DIDO1: variants seen among roughly 807,000 people sequenced by gnomAD.
The protein encoded by DIDO1 is death-inducer obliterator 1.
In DIDO1, 16 loss-of-function variants were observed where a neutral mutation model predicts 99.4. That is an observed-to-expected ratio of 0.16 (90% confidence interval 0.11 to 0.24). The LOEUF (loss-of-function observed/expected upper bound fraction) is 0.24. DIDO1 is among the 10% of genes least tolerant of loss of function. The probability of loss-of-function intolerance (pLI) is 1.00; values close to 1 mark genes in which losing one functional copy is unlikely to be tolerated. For missense variants in DIDO1, 2,996 were observed against 3,014.0 expected (o/e 0.99, Z 0.14); for synonymous variants, 1,366 against 1,239.1 (o/e 1.10, Z -2.15).
At chr20:62,886,173 G>A (rs981190809) in intron 15 of DIDO1, among the ~76,000 whole-genome samples, 5 of 152,174 alleles carry the variant, frequency 3.3e-5, no homozygotes, top group Non-Finnish European at 7.3e-5. Context: ...ACCAGGGGCC[G>A]GGGCTCAGGA....
chr20:62,937,814 G>A lies in DIDO1; in HGVS notation c.-218C>T, dbSNP rs2065408912. ...CTGGGACCTTCGCCTCCGACTCAGT[G>A]TAGACGTCGCCATCCCGGTTCCAGA... On this transcript the variant is annotated 5_prime_UTR_variant, in exon 1 of 16. Coordinates refer to the DIDO1 transcript ENST00000266070. 7.5e-6 allele frequency: 3 copies of A among 398,490 alleles called. No homozygotes were observed. The East Asian group carries it at 1.1e-4, about 14-fold the overall frequency. 24.7% of individuals were successfully genotyped at this position (398,490 alleles called of 1,614,324 possible). A position where few individuals can be genotyped will look rare whatever the true frequency, so the allele number is the denominator to read the frequency against.
chr20:62,905,297 C>T (rs2064776156), intron 6 of DIDO1: 13 of 1,396,578 alleles, frequency 9.3e-6, no homozygotes, highest in East Asian at 5.4e-5. Flanking sequence ...CTTCGAAGTT[C>T]GAATGTGTTC....
At chr20:62,926,518 G>C (rs983025874), upstream of DIDO1, 1 of 151,760 alleles carries the variant, frequency 6.6e-6, no homozygotes, top group Non-Finnish European at 1.5e-5. Context: ...CGCGGGGCTA[G>C]AGCGGCGCCC....
chr20:62,907,137 G>A lies in DIDO1; in HGVS notation c.1374+10C>T. The stretch of plus-strand genomic sequence containing the variant: ...TCCACTGCCTGGGCGGCTGGTCCTG[G>A]TCCACTCACCTGAGCACCGCATTTC... On this transcript the variant is annotated intron_variant, in intron 5 of 15. Coordinates refer to ENST00000395343, the MANE Select transcript of DIDO1 (RefSeq NM_001193369.2). 25 of 1,614,046 alleles carry A rather than the reference G, an allele frequency of 1.5e-5. No homozygotes were observed. The highest frequency in any genetic ancestry group is 2.1e-5 in the Non-Finnish European group (25 of 1,179,914).
At chr20:62,936,228 G>A (rs556739995) in intron 1 of DIDO1, among the ~76,000 whole-genome samples, 29 of 152,084 alleles carry the variant, frequency 1.9e-4, no homozygotes, top group African/African-American at 6.7e-4. Flanking sequence ...GCCTGGGCAA[G>A]AAGGCAAGAC....
intron 1 of DIDO1, among the ~76,000 whole-genome samples, chr20:62,921,906 C>A (rs116654872): frequency 0.019 from 2,816 of 149,086 alleles, 80 homozygotes; most frequent in African/African-American, 0.065. Flanking sequence ...TATATATCCA[C>A]AATATATATA....
chr20:62,882,483 C>T, intron 15 of DIDO1, 69 bp from the exon 16 acceptor site: 1 of 1,426,192 alleles, frequency 7.0e-7, no homozygotes, highest in Middle Eastern at 2.1e-4. Context: ...AGGTGAATTT[C>T]ATTAAGGGCT....
At chr20:62,915,769 A>C (rs1353511179) in intron 1 of DIDO1, among the ~76,000 whole-genome samples, 1 of 152,228 alleles carries the variant, frequency 6.6e-6, no homozygotes, top group African/African-American at 2.4e-5. Context: ...TGGGGAGTAC[A>C]TGAACGAGCC....
At position 62,880,423 on chromosome 20, in the gene DIDO1, G is replaced by A. The variant is rs145479127; in HGVS notation, c.5533C>T (p.Arg1845Cys). ...RGVAPSQFEE[R>C]KDPHGEKREF... ...CTCTTCTCCCCATGGGGATCCTTGC[G>A]TTCTTCAAATTGGGATGGTGCCACT... The change falls in exon 16 of 16, where the codon CGC becomes TGC. Residue 1845 changes from arginine (R) to cysteine (C), a missense_variant. Around this residue, in one of 5 missense-constraint regions of DIDO1, gnomAD observed 1,562 missense variants for 1,412.6 expected, o/e 1.11. Coordinates refer to ENST00000395343, the MANE Select transcript of DIDO1 (RefSeq NM_001193369.2). The A allele has an allele frequency of 2.0e-4, 317 of 1,612,880 alleles. 1 individual carries two copies. In the African/African-American group the frequency reaches 3.7e-3, roughly 19 times the overall value.
Position 62,891,129 on chromosome 20 carries a change from G to A in DIDO1, c.3372C>T (p.Pro1124=), listed in dbSNP as rs199767077. Residue 1124 remains proline (P), a synonymous_variant, in exon 15 of 16, where the codon CCC becomes CCT. Transcript: ENST00000395343. ...SKELCLIRFH[P]ATEEEEVAYI... ...AGGCGACCTCCTCTTCCTCTGTGGC[G>A]GGGTGGAAGCGGATCAGACAGAGCT... is the stretch of plus-strand genomic sequence containing the variant. 24 of 1,614,088 alleles carry A rather than the reference G, an allele frequency of 1.5e-5. No individual in the cohort carries two copies. The highest frequency in any genetic ancestry group is 1.7e-4 in the Middle Eastern group (1 of 6,060).
intron 15 of DIDO1, chr20:62,888,742 G>A (rs2064341763): frequency 1.4e-5 from 14 of 985,322 alleles, no homozygotes; most frequent in African/African-American, 1.7e-5. Context: ...TCTAGAAAAC[G>A]CCAAGTCAAG....
At chr20:62,916,287 C>T (rs1160410943) in intron 1 of DIDO1, among the ~76,000 whole-genome samples, 1 of 152,134 alleles carries the variant, frequency 6.6e-6, no homozygotes, top group Non-Finnish European at 1.5e-5. Context: ...ACAGAATGTA[C>T]CAAATTTAAT....
intron 15 of DIDO1, chr20:62,888,769 C>T (rs749043539): frequency 4.1e-6 from 4 of 985,396 alleles, no homozygotes; most frequent in Non-Finnish European, 4.8e-6. Flanking sequence ...GTACGTGAAG[C>T]GGGCCGAGTA....
chr20:62,919,243 C>T (rs550419205), intron 1 of DIDO1, among the ~76,000 whole-genome samples: 16 of 152,274 alleles, frequency 1.1e-4, no homozygotes, highest in African/African-American at 3.9e-4. Context: ...CCAAATAATA[C>T]CGTCATTACA....
Position 62,896,718 on chromosome 20 carries a change from C to T in DIDO1, c.1867G>A (p.Ala623Thr), listed in dbSNP as rs1405489409. 20 of 1,613,688 alleles carry T rather than the reference C, an allele frequency of 1.2e-5. No homozygotes were observed. The highest frequency in any genetic ancestry group is 1.5e-5 in the Non-Finnish European group (18 of 1,179,830). ...QAGPAPAAAT[A>T]ASKKFPGSAA... ...GAGCCAGGGAACTTCTTGGAGGCAG[C>T]CGTTGCCGCTGCAGGTGCCGGTCCG... Residue 623 changes from alanine (A) to threonine (T), a missense_variant, in exon 7 of 16, where the codon GCT becomes ACT. Physicochemically the swap from Ala to Thr is moderately conservative, Grantham distance 58 (BLOSUM62 0). Coordinates refer to ENST00000395343, the MANE Select transcript of DIDO1 (RefSeq NM_001193369.2). The surrounding 1 kb of genome is among the most constrained non-coding windows in gnomAD (Gnocchi z 4.4).
In DIDO1 at chr20:62,880,108, C is replaced by T; in HGVS notation, c.5848G>A (p.Gly1950Ser). 6.2e-7 allele frequency: 1 copy of T among 1,612,556 alleles called. No individual in the cohort carries two copies. Among genetic ancestry groups the T allele is most frequent in the Non-Finnish European group, 8.5e-7 (1 of 1,179,988 alleles). The change falls in exon 16 of 16, where the codon GGC becomes AGC. Residue 1950 changes from glycine (G) to serine (S), a missense_variant. Gly to Ser is a moderately conservative substitution (Grantham distance 56, BLOSUM62 0). Coordinates refer to ENST00000395343, the MANE Select transcript of DIDO1 (RefSeq NM_001193369.2). ...PHPNQFEGPR[G>S]QAPNFMPGPR... Reference sequence around the variant, plus strand: ...CCTGGCATAAAGTTAGGCGCTTGGCCTCTGGGTCCTTCAAACTGGTTGGGA... The same window carrying T: ...CCTGGCATAAAGTTAGGCGCTTGGCTTCTGGGTCCTTCAAACTGGTTGGGA...
intron 6 of DIDO1, among the ~76,000 whole-genome samples, chr20:62,900,905 G>A (rs1057466296): frequency 7.9e-5 from 12 of 152,242 alleles, no homozygotes; most frequent in African/African-American, 2.9e-4. Flanking sequence ...AGTAAATTCT[G>A]TTCACTGTGA....
intron 2 of DIDO1, among the ~76,000 whole-genome samples, chr20:62,913,647 T>A (rs948414678): frequency 2.0e-5 from 3 of 152,204 alleles, no homozygotes; most frequent in Admixed American, 6.5e-5. Flanking sequence ...CAAGCTCTCG[T>A]TTTCATGCAA....
At chr20:62,898,067 C>A (rs2064577342) in intron 6 of DIDO1, among the ~76,000 whole-genome samples, 1 of 152,208 alleles carries the variant, frequency 6.6e-6, no homozygotes, top group South Asian at 2.1e-4. Context: ...CCAAAACTCC[C>A]AAAGGCCTAA....
Sources: allele counts gnomAD v4.1 joint callset (sites outside exome capture counted in the v4.1 genomes callset), GRCh38; gene constraint gnomAD v4.1.1; regional missense constraint gnomAD v4.1.1; non-coding constraint Gnocchi (gnomAD v3.1); transcripts MANE v1.5; gene names NCBI Gene and HGNC (gene_info 2026-07-23, HGNC 2026-07-21).